Variants in TUSC3 observed in about 807,000 individuals in gnomAD.
The protein encoded by TUSC3 is tumor suppressor candidate 3, also known as dolichyl-diphosphooligosaccharide--protein glycosyltransferase subunit TUSC3.
Under a neutral mutation model 44.8 loss-of-function variants are expected in TUSC3, and 45 were observed. That is an observed-to-expected ratio of 1.00 (90% confidence interval 0.79 to 1.29). TUSC3 has a LOEUF of 1.29. Among genes scored for constraint, TUSC3 ranks in the 50% most tolerant of loss-of-function variants. The pLI is 0.00. For missense variants in TUSC3, 519 were observed against 437.9 expected (o/e 1.19, Z -1.65); for synonymous variants, 212 against 152.9 (o/e 1.39, Z -2.85).
At chr8:15,418,472 A>G (rs1799687922) in intron 1 of TUSC3, among the ~76,000 whole-genome samples, 1 of 152,204 alleles carries the variant, frequency 6.6e-6, no homozygotes, top group South Asian at 2.1e-4. Context: ...CGTTTATTTT[A>G]CAAAACTGTC....
chr8:15,446,238 C>A (rs919945852), intron 1 of TUSC3, among the ~76,000 whole-genome samples: 6 of 150,576 alleles, frequency 4.0e-5, no homozygotes, highest in African/African-American at 1.5e-4. Flanking sequence ...TCCTCACTTC[C>A]TAGATGGGAT....
intron 1 of TUSC3, among the ~76,000 whole-genome samples, chr8:15,603,878 C>T (rs1347444016): frequency 6.6e-6 from 1 of 151,386 alleles, no homozygotes; most frequent in African/African-American, 2.4e-5. Context: ...AGTTTATCAC[C>T]TCCTTGAGTT....
intron 1 of TUSC3, among the ~76,000 whole-genome samples, chr8:15,614,469 C>G (rs1804902475): frequency 6.6e-6 from 1 of 152,144 alleles, no homozygotes; most frequent in South Asian, 2.1e-4. Context: ...CCTTGAGGCC[C>G]AGACAACTGC....
At chr8:15,707,518 CTT>C (rs1427864219) in intron 6 of TUSC3, among the ~76,000 whole-genome samples, 5 of 151,922 alleles carry the variant, frequency 3.3e-5, no homozygotes, top group African/African-American at 4.8e-5. Context: ...ATTTTTCTCT[CTT>C]GATGTTTTCC....
At chr8:15,561,700 C>G (rs1802470244) in intron 1 of TUSC3, 2 of 149,938 alleles carry the variant, frequency 1.3e-5, no homozygotes, top group African/African-American at 4.9e-5. Context: ...GGGATATAAT[C>G]TTGTGGTGCG....
At chr8:15,758,102 T>C in intron 10 of TUSC3, 2 of 1,259,300 alleles carry the variant, frequency 1.6e-6, no homozygotes, top group Non-Finnish European at 2.0e-6. Context: ...GATGCAATGC[T>C]TCCACCCCCA....
chr8:15,474,830 T>C (rs1800553044), intron 1 of TUSC3, among the ~76,000 whole-genome samples: 1 of 152,166 alleles, frequency 6.6e-6, no homozygotes, highest in South Asian at 2.1e-4. Context: ...ACATTGCTCC[T>C]TCATATCCAC....
At chr8:15,632,440 C>T (rs932876722) in intron 2 of TUSC3, among the ~76,000 whole-genome samples, 7 of 152,112 alleles carry the variant, frequency 4.6e-5, no homozygotes, top group Admixed American at 1.3e-4. Flanking sequence ...TATACCAGTG[C>T]TGAGATTAAT....
intron 6 of TUSC3, among the ~76,000 whole-genome samples, chr8:15,686,780 C>T (rs1808649200): frequency 6.6e-6 from 1 of 152,030 alleles, no homozygotes; most frequent in Admixed American, 6.6e-5. Context: ...AACAAAAAAA[C>T]CCAGCTGGCC....
At chr8:15,505,399 A>G (rs1801038920) in intron 2 of TUSC3, among the ~76,000 whole-genome samples, 1 of 152,246 alleles carries the variant, frequency 6.6e-6, no homozygotes, top group African/African-American at 2.4e-5. Context: ...TTAATGTACT[A>G]TGTCTATTCC....
chr8:15,792,606 C>G, the TUSC3 span, among the ~76,000 whole-genome samples: 1 of 151,806 alleles, frequency 6.6e-6, no homozygotes, highest in Admixed American at 6.6e-5. Context: ...TTCTTTTTTT[C>G]TTTTCGTTTT....
intron 1 of TUSC3, among the ~76,000 whole-genome samples, chr8:15,582,358 G>A (rs903503463): frequency 1.1e-4 from 16 of 152,194 alleles, no homozygotes; most frequent in African/African-American, 3.6e-4. Flanking sequence ...AAACAGTGAG[G>A]TACTTGAAGG....
Position 15,546,697 on chromosome 8 carries a change from G to A in TUSC3, c.138+6129G>A, listed in dbSNP as rs1801877568. On this transcript the variant is annotated intron_variant, in intron 1 of 10. Coordinates refer to ENST00000503731, the MANE Select transcript of TUSC3 (RefSeq NM_006765.4). Reference sequence around the variant, plus strand: ...ATTACAGGCATACGCCACCATGCCTGGCTAATTTCGTATTTTTAGTAGAGA... The same window carrying A: ...ATTACAGGCATACGCCACCATGCCTAGCTAATTTCGTATTTTTAGTAGAGA... 2.0e-5 allele frequency among the ~76,000 whole-genome samples: 3 copies of A among 151,510 alleles called. No individual in the cohort carries two copies. The South Asian group carries it at 6.3e-4, about 32-fold the overall frequency.
chr8:15,626,397 G>T (rs1337082332), intron 2 of TUSC3, among the ~76,000 whole-genome samples: 1 of 152,230 alleles, frequency 6.6e-6, no homozygotes, highest in Admixed American at 6.5e-5. Context: ...GTCTGGGGCA[G>T]TGCTGTGCTC....
chr8:15,511,455 A>G (rs957446434), intron 2 of TUSC3, among the ~76,000 whole-genome samples: 1 of 152,226 alleles, frequency 6.6e-6, no homozygotes, highest in Non-Finnish European at 1.5e-5. Context: ...AAGTCAATAT[A>G]CAAAAATGTA....
intron 1 of TUSC3, among the ~76,000 whole-genome samples, chr8:15,592,549 C>CTT (rs1185700163): frequency 6.6e-6 from 1 of 152,094 alleles, no homozygotes. Context: ...CCTCCTAACT[C>CTT]TCTTTTGCTC....
intron 1 of TUSC3, among the ~76,000 whole-genome samples, chr8:15,561,365 A>T (rs1439594540): frequency 1.4e-5 from 2 of 143,448 alleles, no homozygotes; most frequent in Non-Finnish European, 1.5e-5. Context: ...GCCAGTTCTC[A>T]GATCTCCAGC....
downstream of TUSC3, among the ~76,000 whole-genome samples, chr8:15,771,377 A>C (rs1460464308): frequency 6.6e-6 from 1 of 152,232 alleles, no homozygotes; most frequent in Non-Finnish European, 1.5e-5. Flanking sequence ...CTGAATAGCC[A>C]AAGGATTATT....
the TUSC3 span, among the ~76,000 whole-genome samples, chr8:15,774,674 C>T: frequency 6.6e-6 from 1 of 152,104 alleles, no homozygotes; most frequent in Non-Finnish European, 1.5e-5. Context: ...GAGCCAAGGT[C>T]TTGAGTAAAC....
Sources: gnomAD v4.1 joint callset for allele counts (sites outside exome capture counted in the v4.1 genomes callset) on GRCh38, gnomAD v4.1.1 for gene constraint, MANE v1.5 for transcripts, NCBI Gene and HGNC (gene_info 2026-07-23, HGNC 2026-07-21) for gene names.